The following RHOT2 variants were observed in gnomAD, a reference collection of about 807,000 sequenced individuals.
The protein encoded by RHOT2 is mitochondrial Rho GTPase 2.
RHOT2 carries 90 observed loss-of-function variants against 81.6 expected under a neutral mutation model. That is an observed-to-expected ratio of 1.10 (90% CI 0.93 to 1.31). RHOT2 has a LOEUF of 1.31. RHOT2 is among the 40% of genes most tolerant of loss of function. The pLI is 0.00. For synonymous variants in RHOT2, 512 were observed against 370.9 expected (o/e 1.38, Z -4.37); for missense variants, 1,014 against 841.9 (o/e 1.20, Z -2.53).
At position 673,961 on chromosome 16, in the gene RHOT2, C is replaced by T; in HGVS notation, c.*355C>T. ...CCAGAATTCTCAGGGCTCTACCCCC[C>T]TTTCCTGGTCCTAGGTGGCCAGTGG... On this transcript the variant is annotated 3_prime_UTR_variant, in exon 19 of 19. Transcript: ENST00000315082. 1 of 494,396 alleles carries T rather than the reference C, an allele frequency of 2.0e-6. No homozygotes were observed. The highest frequency in any genetic ancestry group is 3.9e-6 in the Non-Finnish European group (1 of 255,190). 30.6% of individuals were successfully genotyped at this position (494,396 alleles called of 1,614,324 possible).
intron 11 of RHOT2, 146 bp from the exon 12 acceptor site, chr16:671,551 C>T (rs1346003022): frequency 1.1e-6 from 1 of 887,760 alleles, no homozygotes; most frequent in Non-Finnish European, 1.7e-6. Context: ...TCCCCTATCG[C>T]AGCTGCAAGG....
At chr16:668,992 C>T (rs1212963213) in intron 4 of RHOT2, 12 of 503,476 alleles carry the variant, frequency 2.4e-5, no homozygotes, top group Non-Finnish European at 4.2e-5. Context: ...GCCACGTCCC[C>T]GTGCTGTGTG....
chr16:670,080 G>A, intron 5 of RHOT2, 43 bp from the exon 6 acceptor site: 1 of 1,520,436 alleles, frequency 6.6e-7, no homozygotes, highest in Non-Finnish European at 8.8e-7. Context: ...GGAGCCATGT[G>A]CCCGCGGGCA....
At position 673,798 on chromosome 16, in the gene RHOT2, G is replaced by A. The variant is rs559419209; in HGVS notation, c.*192G>A. 7 of 740,044 alleles carry A rather than the reference G, an allele frequency of 9.5e-6. No homozygotes were observed. The highest frequency in any genetic ancestry group is 5.4e-5 in the African/African-American group (3 of 55,742). The allele number at this position is 740,044 out of a possible 1,614,324, so 45.8% of individuals were successfully genotyped here. ...GCCATGCACTGCCCTGGCTCCTGCC[G>A]GACCCCCAGGGTGGGCCGTGGCAGG... On this transcript the variant is annotated 3_prime_UTR_variant, in exon 19 of 19. Transcript: ENST00000315082.
intron 4 of RHOT2, chr16:668,915 C>T (rs1467048460): frequency 4.1e-5 from 22 of 540,456 alleles, no homozygotes; most frequent in Middle Eastern, 4.6e-4. Flanking sequence ...GGACCCTTCC[C>T]CGCGGGCTCT....
At position 669,557 on chromosome 16, in the gene RHOT2, A is replaced by G. The variant is rs745981499; in HGVS notation, c.227A>G (p.Asn76Ser). 1 of 1,611,910 alleles carries G rather than the reference A, an allele frequency of 6.2e-7. No homozygotes were observed. Among genetic ancestry groups the G allele is most frequent in the East Asian group, 2.2e-5 (1 of 44,882 alleles). ...EELREEIHKA[N>S]VVCVVYDVSE... ...ACCTCATCACTGTTCCCTCAGGCAA[A>G]CGTGGTGTGTGTGGTGTATGACGTC... The change falls in exon 5 of 19, where the codon AAC (asparagine) becomes AGC (serine). Residue 76 changes from asparagine to serine, a missense_variant. Physicochemically the swap from Asn to Ser is conservative, Grantham distance 46 (BLOSUM62 1). Transcript: ENST00000315082.
intron 5 of RHOT2, 163 bp from the exon 6 acceptor site, chr16:669,960 T>C (rs1480244771): frequency 3.0e-6 from 2 of 658,028 alleles, no homozygotes; most frequent in East Asian, 2.8e-5. Context: ...AGGCTGCACC[T>C]GCTGCCTGCC....
rs773547639 is a variant in RHOT2, at chr16:670,529, C to T, written c.512C>T (p.Ala171Val). Residue 171 changes from alanine (A) to valine (V), a missense_variant, in exon 8 of 19, where the codon GCC becomes GTC. Ala to Val is a moderately conservative substitution (Grantham distance 64, BLOSUM62 0). Transcript: ENST00000315082. ...CAGAAGGCCGTCCTGCATCCCACAG[C>T]CCCCCTCTATGACCCTGAGGCCAAG... is the stretch of plus-strand genomic sequence containing the variant. Reference protein sequence around the residue: ...YAQKAVLHPTAPLYDPEAKQL... With the variant: ...YAQKAVLHPTVPLYDPEAKQL... The T allele has an allele frequency of 9.1e-5, 146 of 1,607,734 alleles. No individual in the cohort carries two copies. The highest frequency in any genetic ancestry group is 1.2e-4 in the Non-Finnish European group (142 of 1,177,392).
In RHOT2 at chr16:672,979, G is replaced by A. The variant is rs146758095; in HGVS notation, c.1579G>A (p.Asp527Asn). 8.7e-6 allele frequency: 14 copies of A among 1,612,618 alleles called. No individual in the cohort carries two copies. In the East Asian group the frequency reaches 8.9e-5, roughly 10 times the overall value. ...CTGCCTCTTTGTCTCCTCCAAGGCC[G>A]ACCTGCCCGAAGGTGTCGCGGTGTC... ...TPCLFVSSKA[D>N]LPEGVAVSGP... Residue 527 changes from aspartate to asparagine, a missense_variant, in exon 18 of 19, where the codon GAC becomes AAC. Transcript: ENST00000315082.
chr16:671,264 A>G (rs1042703076), intron 11 of RHOT2, 61 bp downstream of exon 11: 5 of 1,504,234 alleles, frequency 3.3e-6, no homozygotes, highest in Non-Finnish European at 4.4e-6. Context: ...ACTGCCGACT[A>G]TCTCTCCCCT....
intron 17 of RHOT2, 26 bp from the exon 18 acceptor site, chr16:672,902 T>C: frequency 7.4e-6 from 12 of 1,612,724 alleles, no homozygotes; most frequent in Non-Finnish European, 9.3e-6. Flanking sequence ...CCCAGGACTG[T>C]ACCTCATACC....
chr16:673,054 G>T lies in RHOT2; in HGVS notation c.1654G>T (p.Val552Leu). The T allele has an allele frequency of 1.2e-6, 2 of 1,611,868 alleles. No individual in the cohort carries two copies. The highest frequency in any genetic ancestry group is 1.7e-6 in the Non-Finnish European group (2 of 1,179,936). ...CCGCAAGCACCGGCTACCCGCTCCC[G>T]TGCCGTTCTCCTGTGCTGGCCCAGC... ...FCRKHRLPAP[V>L]PFSCAGPAEP... The change falls in exon 18 of 19, where the codon GTG becomes TTG. Residue 552 changes from valine (V) to leucine (L), a missense_variant. Transcript: ENST00000315082.
In RHOT2 at chr16:673,036, C is replaced by T; in HGVS notation, c.1636C>T (p.His546Tyr). ...GPSPAEFCRK[H>Y]RLPAPVPFSC... ...ATCACCGGCCGAGTTTTGCCGCAAG[C>T]ACCGGCTACCCGCTCCCGTGCCGTT... Residue 546 changes from histidine to tyrosine, a missense_variant, in exon 18 of 19, where the codon CAC becomes TAC. Transcript: ENST00000315082. The T allele has an allele frequency of 6.2e-7, 1 of 1,612,234 alleles. No homozygotes were observed. The highest frequency in any genetic ancestry group is 1.1e-5 in the South Asian group (1 of 91,084).
At chr16:673,218 A>G in intron 18 of RHOT2, 88 bp downstream of exon 18, 2 of 1,423,540 alleles carry the variant, frequency 1.4e-6, no homozygotes, top group South Asian at 1.2e-5. Flanking sequence ...GGAACTGGGG[A>G]CTAGCAGTGT....
chr16:671,767 G>A lies in RHOT2; in HGVS notation c.940G>A (p.Glu314Lys), dbSNP rs1179039331. ...LGYQFVQRVF[E>K]KHDQDRDGAL... Reference sequence around the variant, plus strand: ...CTACCAGTTTGTGCAGAGAGTGTTTGAGAAGCACGACCAGGTGAGAGCATG... The same window carrying A: ...CTACCAGTTTGTGCAGAGAGTGTTTAAGAAGCACGACCAGGTGAGAGCATG... The change falls in exon 12 of 19, where the codon GAG becomes AAG. Residue 314 changes from glutamate to lysine, a missense_variant. Glu to Lys is a moderately conservative substitution (Grantham distance 56). Coordinates refer to ENST00000315082, the MANE Select transcript of RHOT2 (RefSeq NM_138769.3). The A allele has an allele frequency of 6.2e-7, 1 of 1,612,332 alleles. No homozygotes were observed. The highest frequency in any genetic ancestry group is 8.5e-7 in the Non-Finnish European group (1 of 1,179,712).
At chr16:668,625 G>C in intron 3 of RHOT2, 31 bp from the exon 4 acceptor site, 1 of 1,609,140 alleles carries the variant, frequency 6.2e-7, no homozygotes, top group Non-Finnish European at 8.5e-7. Flanking sequence ...GGGCCTGCTG[G>C]GTCCGCAGTG....
intron 4 of RHOT2, chr16:669,175 GC>G (rs1163904102): frequency 4.9e-6 from 2 of 404,184 alleles, no homozygotes; most frequent in African/African-American, 4.1e-5. Context: ...GGAGGCAGGG[GC>G]CAAGGCGGCG....
In RHOT2 at chr16:670,896, C is replaced by A. The variant is rs768678951; in HGVS notation, c.644C>A (p.Ser215Tyr). 1.3e-6 allele frequency: 2 copies of A among 1,575,762 alleles called. No individual in the cohort carries two copies. The highest frequency in any genetic ancestry group is 1.7e-6 in the Non-Finnish European group (2 of 1,156,660). ...ACAACGTTCTCTCGGAAGCAGAAAT[C>A]CTGCTTTGGGCACCCCCTGGCCCCG... ...SDEELNAFQKSCFGHPLAPQA... is the reference protein window; with the variant it reads ...SDEELNAFQKYCFGHPLAPQA... Residue 215 changes from serine to tyrosine, a missense_variant, in exon 10 of 19, where the codon TCC becomes TAC. Ser to Tyr is a moderately radical substitution (Grantham distance 144, BLOSUM62 -2). Coordinates refer to ENST00000315082, the MANE Select transcript of RHOT2 (RefSeq NM_138769.3).
In RHOT2 at chr16:668,240, G is replaced by A. The variant is rs2038237688; in HGVS notation, c.37+4G>A. ...CGCATCCTGTTACTGGGCGAGGGTA[G>A]GCGCCGGCCCGGGGGTCTCGGAGCT... On this transcript the variant is annotated splice_donor_region_variant and intron_variant, in intron 1 of 18. Transcript: ENST00000315082. The A allele has an allele frequency of 2.9e-6, 2 of 700,764 alleles. No individual in the cohort carries two copies. Among genetic ancestry groups the A allele is most frequent in the Admixed American group, 7.6e-5 (2 of 26,242 alleles). The allele number at this position is 700,764 out of a possible 1,614,324, so 43.4% of individuals were successfully genotyped here. A position where few individuals can be genotyped will look rare whatever the true frequency, so the allele number is the denominator to read the frequency against.
Sources: gnomAD v4.1 joint callset for allele counts on GRCh38, gnomAD v4.1.1 for gene constraint, MANE v1.5 for transcripts, NCBI Gene and HGNC (gene_info 2026-07-23, HGNC 2026-07-21) for gene names.